Variants in PTPRD observed in about 807,000 individuals in gnomAD.
The protein encoded by PTPRD is protein tyrosine phosphatase receptor type D, also known as receptor-type tyrosine-protein phosphatase delta.
A neutral mutation model predicts 214.5 loss-of-function variants in PTPRD; 34 were observed. The observed-to-expected ratio is 0.16, with a 90% confidence interval of 0.12 to 0.21. The LOEUF (loss-of-function observed/expected upper bound fraction) is 0.21, where lower values mean the gene tolerates loss of function less well. PTPRD is among the 10% of genes least tolerant of loss of function. The pLI is 1.00. For synonymous variants in PTPRD, 1,128 were observed against 845.7 expected (o/e 1.33, Z -5.79); for missense variants, 2,545 against 2,398.7 (o/e 1.06, Z -1.27).
intron 9 of PTPRD, among the ~76,000 whole-genome samples, chr9:9,273,459 A>G (rs891832720): frequency 1.3e-5 from 2 of 151,336 alleles, no homozygotes; most frequent in African/African-American, 2.4e-5. Flanking sequence ...AGAACTTTAA[A>G]ATACATAAAC....
chr9:9,911,627 C>T (rs2079212117), intron 5 of PTPRD, among the ~76,000 whole-genome samples: 1 of 151,980 alleles, frequency 6.6e-6, no homozygotes, highest in Admixed American at 6.6e-5. Context: ...TTTTATCAGA[C>T]TTCAAAAAAA....
intron 7 of PTPRD, among the ~76,000 whole-genome samples, chr9:9,598,339 G>T (rs1032665940): frequency 6.6e-6 from 1 of 151,910 alleles, no homozygotes; most frequent in Admixed American, 6.6e-5. Context: ...TGGGGATGTC[G>T]AGTAGGAGAG....
intron 3 of PTPRD, among the ~76,000 whole-genome samples, chr9:10,144,042 C>G (rs1440956534): frequency 6.6e-6 from 1 of 151,968 alleles, no homozygotes; most frequent in Non-Finnish European, 1.5e-5. Flanking sequence ...ATTGTACACT[C>G]TGATTCTAAA....
chr9:10,450,768 A>T (rs976455390), intron 2 of PTPRD, among the ~76,000 whole-genome samples: 1 of 152,028 alleles, frequency 6.6e-6, no homozygotes, highest in South Asian at 2.1e-4. Flanking sequence ...AATTCAGAAG[A>T]CTTAAAAGAT....
At chr9:9,589,790 A>G (rs1468518050) in intron 7 of PTPRD, among the ~76,000 whole-genome samples, 1 of 152,050 alleles carries the variant, frequency 6.6e-6, no homozygotes, top group African/African-American at 2.4e-5. Context: ...TTGAACAACA[A>G]CATGTGGTAA....
chr9:9,432,511 A>T (rs2143294508), intron 8 of PTPRD, among the ~76,000 whole-genome samples: 1 of 152,316 alleles, frequency 6.6e-6, no homozygotes, highest in East Asian at 1.9e-4. Context: ...CCAACAAGAA[A>T]TAGCCTAATT....
chr9:9,341,446 G>T (rs1008520890), intron 9 of PTPRD, among the ~76,000 whole-genome samples: 1 of 152,078 alleles, frequency 6.6e-6, no homozygotes. Context: ...CCCACTGACT[G>T]CATTACTATT....
chr9:8,746,066 T>C (rs941863279), intron 11 of PTPRD, among the ~76,000 whole-genome samples: 39 of 152,254 alleles, frequency 2.6e-4, no homozygotes, highest in Non-Finnish European at 3.8e-4. Context: ...GGTGGTGGAA[T>C]TACAGGCATG....
Position 8,911,631 on chromosome 9 carries a change from G to A in PTPRD, c.-104+107066C>T, listed in dbSNP as rs145602622. ...TAGGTAAAGATTTCTTACATATGATGCCAAAAACATGATCCATAAAAATTT... is the reference window on the plus strand; with the variant it reads ...TAGGTAAAGATTTCTTACATATGATACCAAAAACATGATCCATAAAAATTT... On this transcript the variant is annotated intron_variant, in intron 11 of 45. Transcript: ENST00000381196. 3.4e-4 allele frequency among the ~76,000 whole-genome samples: 52 copies of A among 152,138 alleles called. No individual in the cohort carries two copies. In the East Asian group the frequency reaches 7.2e-3, roughly 21 times the overall value.
chr9:9,141,250 C>G (rs2099859955), intron 10 of PTPRD, among the ~76,000 whole-genome samples: 1 of 148,610 alleles, frequency 6.7e-6, no homozygotes, highest in East Asian at 2.0e-4. Context: ...CTTCCTCTCC[C>G]CTCAGGGGAA....
intron 4 of PTPRD, among the ~76,000 whole-genome samples, chr9:10,003,847 T>C (rs1448826487): frequency 6.6e-6 from 1 of 151,792 alleles, no homozygotes; most frequent in Non-Finnish European, 1.5e-5. Context: ...ATTTTTTTAA[T>C]ACCCTAATGG....
chr9:9,998,040 T>C (rs890484546), intron 4 of PTPRD, among the ~76,000 whole-genome samples: 1 of 150,802 alleles, frequency 6.6e-6, no homozygotes, highest in Non-Finnish European at 1.5e-5. Context: ...ACCACTTTTC[T>C]GCCCCACACA....
chr9:8,711,236 T>C (rs2098327093), intron 12 of PTPRD, among the ~76,000 whole-genome samples: 1 of 150,580 alleles, frequency 6.6e-6, no homozygotes, highest in Non-Finnish European at 1.5e-5. Flanking sequence ...AGGAAGCTCA[T>C]TTAGTTCTAG....
chr9:8,346,619 T>G (rs1038437998), intron 39 of PTPRD, among the ~76,000 whole-genome samples: 1 of 152,132 alleles, frequency 6.6e-6, no homozygotes, highest in Admixed American at 6.6e-5. Flanking sequence ...GTTAGTCACT[T>G]AGTAGCCATC....
At chr9:9,239,192 C>T (rs1439368891) in intron 9 of PTPRD, among the ~76,000 whole-genome samples, 1 of 143,936 alleles carries the variant, frequency 6.9e-6, no homozygotes, top group East Asian at 2.0e-4. Context: ...AGGGAGATGA[C>T]TGTCTGAAAA....
chr9:10,203,050 A>T (rs1333547627), intron 3 of PTPRD, among the ~76,000 whole-genome samples: 2 of 152,002 alleles, frequency 1.3e-5, no homozygotes, highest in Non-Finnish European at 2.9e-5. Flanking sequence ...AGAGATAAAG[A>T]TTATAGTTAG....
intron 14 of PTPRD, among the ~76,000 whole-genome samples, chr9:8,546,010 TA>T (rs1339528030): frequency 6.6e-6 from 1 of 152,208 alleles, no homozygotes; most frequent in Non-Finnish European, 1.5e-5. Flanking sequence ...TTAGTTTTCA[TA>T]AGAAGATGTA....
chr9:9,490,079 G>A (rs1337281364), intron 8 of PTPRD, among the ~76,000 whole-genome samples: 2 of 152,078 alleles, frequency 1.3e-5, no homozygotes, highest in African/African-American at 4.8e-5. Context: ...AAAAACTATA[G>A]ATGCCAGAAG....
At chr9:8,780,494 G>A (rs2095652108) in intron 11 of PTPRD, among the ~76,000 whole-genome samples, 1 of 152,102 alleles carries the variant, frequency 6.6e-6, no homozygotes, top group African/African-American at 2.4e-5. Flanking sequence ...AGACACGGAG[G>A]GATTAATTTT....
Sources: gnomAD v4.1 joint callset for allele counts (sites outside exome capture counted in the v4.1 genomes callset) on GRCh38, gnomAD v4.1.1 for gene constraint, MANE v1.5 for transcripts, NCBI Gene and HGNC (gene_info 2026-07-23, HGNC 2026-07-21) for gene names.